PTPRM: variants seen among roughly 807,000 people sequenced by gnomAD.
The protein encoded by PTPRM is protein tyrosine phosphatase receptor type M, also known as receptor-type tyrosine-protein phosphatase mu.
A neutral mutation model predicts 186.7 loss-of-function variants in PTPRM; 47 were observed. That is an observed-to-expected ratio of 0.25 (90% CI 0.20 to 0.32). The LOEUF (loss-of-function observed/expected upper bound fraction) is 0.32, where lower values mean the gene tolerates loss of function less well. Ranked by LOEUF, PTPRM falls within the 10% of genes least tolerant of loss-of-function variation. PTPRM has a pLI of 1.00. For missense variants in PTPRM, 1,494 were observed against 1,865.0 expected (o/e 0.80, Z 3.66); for synonymous variants, 668 against 674.9 (o/e 0.99, Z 0.16).
intron 11 of PTPRM, among the ~76,000 whole-genome samples, chr18:8,089,979 A>G (rs138346009): frequency 6.6e-5 from 10 of 152,314 alleles, no homozygotes; most frequent in African/African-American, 2.4e-4. Context: ...AGTAGCTCAT[A>G]TGAGGTTTCA....
intron 7 of PTPRM, among the ~76,000 whole-genome samples, chr18:8,058,057 G>T (rs1279393196): frequency 2.3e-4 from 26 of 112,070 alleles, no homozygotes; most frequent in African/African-American, 8.9e-4. Flanking sequence ...TGAACTAGTT[G>T]ACAGTCCCAC....
At chr18:7,929,101 A>G (rs193021864) in intron 5 of PTPRM, among the ~76,000 whole-genome samples, 1 of 152,110 alleles carries the variant, frequency 6.6e-6, no homozygotes, top group African/African-American at 2.4e-5. Flanking sequence ...GGTGGGGCCC[A>G]GCGTGCAATG....
intron 1 of PTPRM, among the ~76,000 whole-genome samples, chr18:7,673,553 A>G (rs745421279): frequency 9.9e-5 from 15 of 152,214 alleles, no homozygotes; most frequent in Non-Finnish European, 2.2e-4. Flanking sequence ...AGACTTGAGA[A>G]ACTTCTACAA....
intron 7 of PTPRM, among the ~76,000 whole-genome samples, chr18:8,038,060 T>G (rs1360548822): frequency 6.6e-6 from 1 of 152,170 alleles, no homozygotes; most frequent in African/African-American, 2.4e-5. Flanking sequence ...ACCTCTTAAC[T>G]TATGGTGCAT....
chr18:8,092,601 A>G (rs760961238), intron 11 of PTPRM, among the ~76,000 whole-genome samples: 4 of 152,090 alleles, frequency 2.6e-5, no homozygotes, highest in Non-Finnish European at 5.9e-5. Context: ...ATATTCACCA[A>G]TACTGACATG....
At chr18:7,694,721 C>A (rs139985958) in intron 1 of PTPRM, among the ~76,000 whole-genome samples, 1 of 152,094 alleles carries the variant, frequency 6.6e-6, no homozygotes, top group African/African-American at 2.4e-5. Context: ...GCCGCCGTGC[C>A]GCTGGAAACC....
chr18:8,093,265 A>C (rs936102238), intron 11 of PTPRM, among the ~76,000 whole-genome samples: 1 of 152,042 alleles, frequency 6.6e-6, no homozygotes, highest in Admixed American at 6.6e-5. Context: ...GAGCATGCCA[A>C]CCTCATGGGG....
chr18:7,782,270 G>C (rs2042893465), intron 2 of PTPRM, among the ~76,000 whole-genome samples: 1 of 152,042 alleles, frequency 6.6e-6, no homozygotes, highest in Admixed American at 6.6e-5. Context: ...GTGTGAGGGA[G>C]GGTTCTTCCC....
At chr18:7,909,925 T>G (rs1326320022) in intron 4 of PTPRM, among the ~76,000 whole-genome samples, 1 of 152,198 alleles carries the variant, frequency 6.6e-6, no homozygotes, top group Non-Finnish European at 1.5e-5. Context: ...ATTTTTGCAT[T>G]TGATATGCAC....
At chr18:7,674,120 G>T (rs899999108) in intron 1 of PTPRM, among the ~76,000 whole-genome samples, 5 of 152,168 alleles carry the variant, frequency 3.3e-5, no homozygotes, top group Admixed American at 6.5e-5. Context: ...TGAGGAAAGA[G>T]AAGGGGGTTC....
chr18:7,860,555 C>T (rs2047327213), intron 2 of PTPRM, among the ~76,000 whole-genome samples: 1 of 152,310 alleles, frequency 6.6e-6, no homozygotes, highest in Middle Eastern at 3.4e-3. Flanking sequence ...GCTGAAGTCA[C>T]AGAACTAATT....
intron 7 of PTPRM, among the ~76,000 whole-genome samples, chr18:8,009,646 C>T (rs531998194): frequency 4.8e-4 from 73 of 152,052 alleles, no homozygotes; most frequent in African/African-American, 1.7e-3. Context: ...AGGCGGAGGT[C>T]GCAGTGAGCC....
At chr18:7,860,273 A>G (rs887059276) in intron 2 of PTPRM, among the ~76,000 whole-genome samples, 1 of 152,050 alleles carries the variant, frequency 6.6e-6, no homozygotes, top group Non-Finnish European at 1.5e-5. Context: ...GGGTTTCACC[A>G]TGTTGGCTAG....
At chr18:8,235,476 T>C (rs12967684) in intron 14 of PTPRM, among the ~76,000 whole-genome samples, 1 of 136,770 alleles carries the variant, frequency 7.3e-6, no homozygotes. Context: ...TTTTTTTTTT[T>C]TTTAGCCTGG....
chr18:8,375,215 T>G (rs1398735369), intron 24 of PTPRM, among the ~76,000 whole-genome samples: 1 of 152,180 alleles, frequency 6.6e-6, no homozygotes, highest in African/African-American at 2.4e-5. Context: ...TACAGTTGAG[T>G]GGCAGGCAGC....
Position 8,376,531 on chromosome 18 carries a change from G to A in PTPRM, c.3396G>A (p.Gly1132=), listed in dbSNP as rs777117258. The stretch of plus-strand genomic sequence containing the variant: ...TGTTGGACATGGCCGAAAGGGAAGG[G>A]GTCGTAGACATCTACAACTGCGTCA... ...DIMLDMAERE[G]VVDIYNCVRE... Residue 1132 remains glycine, a synonymous_variant, in exon 26 of 33, where the codon GGG becomes GGA. Coordinates refer to ENST00000580170, the MANE Select transcript of PTPRM (RefSeq NM_001105244.2). 9 of 1,613,876 alleles carry A rather than the reference G, an allele frequency of 5.6e-6. No homozygotes were observed. The East Asian group carries it at 1.1e-4, about 20-fold the overall frequency.
intron 1 of PTPRM, among the ~76,000 whole-genome samples, chr18:7,577,290 G>A (rs1316402053): frequency 6.6e-6 from 1 of 152,128 alleles, no homozygotes; most frequent in African/African-American, 2.4e-5. Flanking sequence ...TAATAAAAAT[G>A]TATAAATCAG....
At position 8,202,861 on chromosome 18, in the gene PTPRM, C is replaced by G. The variant is rs535780766; in HGVS notation, c.2301-41197C>G. Among the ~76,000 whole-genome samples the G allele has an allele frequency of 1.2e-3, 182 of 152,142 alleles. 1 individual carries two copies. The highest frequency in any genetic ancestry group is 5.0e-4 in the Non-Finnish European group (34 of 67,988). ...TAGACGTTTCTTTCTATTTGAAAAG[C>G]CTCCCAGCCTAGCCTGTGGACTGAT... On this transcript the variant is annotated intron_variant, in intron 14 of 32. Transcript: ENST00000580170.
At chr18:7,654,378 C>T (rs1425880833) in intron 1 of PTPRM, among the ~76,000 whole-genome samples, 1 of 152,052 alleles carries the variant, frequency 6.6e-6, no homozygotes, top group Non-Finnish European at 1.5e-5. Flanking sequence ...TTGGCGATGA[C>T]CTTGAGTAGC....
Sources: allele counts gnomAD v4.1 joint callset (sites outside exome capture counted in the v4.1 genomes callset), GRCh38; gene constraint gnomAD v4.1.1; transcripts MANE v1.5; gene names NCBI Gene and HGNC (gene_info 2026-07-23, HGNC 2026-07-21).